Variants in KCND2 observed in about 807,000 individuals in gnomAD.
KCND2 encodes the protein potassium voltage-gated channel subfamily D member 2.
In KCND2, 16 loss-of-function variants were observed where a neutral mutation model predicts 54.4. The ratio of observed to expected loss-of-function variants is 0.29; its 90% CI spans 0.20 to 0.45. KCND2 has a LOEUF of 0.45. KCND2 is among the 20% of genes least tolerant of loss of function. The probability of loss-of-function intolerance (pLI) is 1.00; values close to 1 mark genes in which losing one functional copy is unlikely to be tolerated. For synonymous variants in KCND2, 317 were observed against 310.7 expected (o/e 1.02, Z -0.21); for missense variants, 486 against 824.2 (o/e 0.59, Z 5.02).
At chr7:120,508,713 G>T (rs1230824471) in intron 1 of KCND2, among the ~76,000 whole-genome samples, 1 of 151,836 alleles carries the variant, frequency 6.6e-6, no homozygotes, top group East Asian at 1.9e-4. Context: ...TTTAAAAATT[G>T]GCCTGAATAA....
At chr7:120,670,312 C>T (rs1035400369) in intron 1 of KCND2, among the ~76,000 whole-genome samples, 25 of 152,070 alleles carry the variant, frequency 1.6e-4, no homozygotes, top group African/African-American at 6.0e-4. Context: ...CAAATATAAA[C>T]ATGTGAAATA....
intron 1 of KCND2, among the ~76,000 whole-genome samples, chr7:120,288,412 A>T (rs572657673): frequency 2.4e-4 from 36 of 152,216 alleles, no homozygotes; most frequent in African/African-American, 8.4e-4. Flanking sequence ...CATGTAAGGG[A>T]TTTCAAATGT....
intron 1 of KCND2, among the ~76,000 whole-genome samples, chr7:120,557,838 A>G (rs1792183459): frequency 6.6e-6 from 1 of 152,118 alleles, no homozygotes; most frequent in Non-Finnish European, 1.5e-5. Flanking sequence ...GTCAACATCC[A>G]GTGTCATCCT....
chr7:120,275,444 T>C lies in KCND2; in HGVS notation c.812T>C (p.Leu271Pro). The C allele has an allele frequency of 6.2e-7, 1 of 1,613,814 alleles. No individual in the cohort carries two copies. Among genetic ancestry groups the C allele is most frequent in the Non-Finnish European group, 8.5e-7 (1 of 1,179,956 alleles). Residue 271 changes from leucine to proline, a missense_variant, in exon 1 of 6, where the codon CTG (leucine) becomes CCG (proline). Physicochemically the swap from Leu to Pro is moderately conservative, Grantham distance 98 (BLOSUM62 -3). Around this residue, in one of 7 missense-constraint regions of KCND2, gnomAD observed 231 missense variants for 386.0 expected, o/e 0.60. Transcript: ENST00000331113. ...VMSIIDVVAI[L>P]PYYIGLVMTD... is the part of the protein sequence containing the mutation. ...AGTATCATCGACGTGGTGGCCATCC[T>C]GCCTTATTACATTGGGCTGGTGATG... is the stretch of plus-strand genomic sequence containing the variant.
chr7:120,678,595 A>G (rs1227363363), intron 1 of KCND2, among the ~76,000 whole-genome samples: 1 of 147,236 alleles, frequency 6.8e-6, no homozygotes, highest in African/African-American at 2.5e-5. Flanking sequence ...TTACACACAT[A>G]TATATACACA....
intron 1 of KCND2, among the ~76,000 whole-genome samples, chr7:120,363,863 C>T (rs1231976768): frequency 6.6e-6 from 1 of 152,108 alleles, no homozygotes; most frequent in Non-Finnish European, 1.5e-5. Context: ...CTGTTGCTCA[C>T]TCTGCCCTTC....
chr7:120,539,988 A>G (rs572291181), intron 1 of KCND2, among the ~76,000 whole-genome samples: 1 of 152,144 alleles, frequency 6.6e-6, no homozygotes, highest in Non-Finnish European at 1.5e-5. Context: ...GAGGGCTTAA[A>G]ATATGGAAAG....
chr7:120,514,039 A>T (rs1803160338), intron 1 of KCND2, among the ~76,000 whole-genome samples: 1 of 152,130 alleles, frequency 6.6e-6, no homozygotes, highest in Admixed American at 6.6e-5. Context: ...TTAGATGCTC[A>T]CATGTAGTTT....
intron 1 of KCND2, among the ~76,000 whole-genome samples, chr7:120,629,754 T>C (rs937627528): frequency 1.3e-5 from 2 of 152,104 alleles, no homozygotes; most frequent in African/African-American, 4.8e-5. Flanking sequence ...ATTCTGGATA[T>C]ATTTGGAGGC....
At chr7:120,282,237 C>G (rs1799276529) in intron 1 of KCND2, among the ~76,000 whole-genome samples, 1 of 152,140 alleles carries the variant, frequency 6.6e-6, no homozygotes, top group African/African-American at 2.4e-5. Flanking sequence ...GATGATGCTT[C>G]ATCACTAGAA....
chr7:120,529,265 A>G (rs756008598), intron 1 of KCND2, among the ~76,000 whole-genome samples: 2 of 152,168 alleles, frequency 1.3e-5, no homozygotes, highest in Non-Finnish European at 2.9e-5. Flanking sequence ...TAAATGAAAA[A>G]GATGGTCTTC....
intron 1 of KCND2, among the ~76,000 whole-genome samples, chr7:120,654,952 A>C (rs2116550816): frequency 6.6e-6 from 1 of 152,202 alleles, no homozygotes; most frequent in South Asian, 2.1e-4. Flanking sequence ...CTTATTACAC[A>C]CATCTGTGCT....
intron 1 of KCND2, among the ~76,000 whole-genome samples, chr7:120,295,724 C>G (rs1799503530): frequency 6.6e-6 from 1 of 151,868 alleles, no homozygotes; most frequent in Non-Finnish European, 1.5e-5. Context: ...AGATTTTTAC[C>G]TGGATCCTCT....
chr7:120,641,121 A>G (rs990278149), intron 1 of KCND2, among the ~76,000 whole-genome samples: 4 of 152,220 alleles, frequency 2.6e-5, no homozygotes, highest in Admixed American at 2.6e-4. Context: ...TATCCAGACA[A>G]TTAAAATAAA....
intron 1 of KCND2, among the ~76,000 whole-genome samples, chr7:120,696,527 C>T (rs544011976): frequency 6.6e-5 from 10 of 152,318 alleles, no homozygotes; most frequent in East Asian, 3.9e-4. Flanking sequence ...ATGGTTTGAA[C>T]GTGTTCTCCA....
chr7:120,281,230 T>C lies in KCND2; in HGVS notation c.1115+5483T>C, dbSNP rs182691056. 3.3e-3 allele frequency among the ~76,000 whole-genome samples: 503 copies of C among 152,292 alleles called. 4 individuals carry two copies. The highest frequency in any genetic ancestry group is 0.01 in the Middle Eastern group (3 of 294). Reference sequence around the variant, plus strand: ...ATTCACTGAAAAGGAAGTATATTTTTTCCTTTAAAGTTGTGATAATGAATT... The same window carrying C: ...ATTCACTGAAAAGGAAGTATATTTTCTCCTTTAAAGTTGTGATAATGAATT... On this transcript the variant is annotated intron_variant, in intron 1 of 5. Transcript: ENST00000331113.
At chr7:120,287,630 A>C (rs1369964952) in intron 1 of KCND2, among the ~76,000 whole-genome samples, 1 of 152,090 alleles carries the variant, frequency 6.6e-6, no homozygotes, top group South Asian at 2.1e-4. Flanking sequence ...AGGTGGGTGG[A>C]TCACTTGAGA....
At chr7:120,577,547 A>G (rs1380822398) in intron 1 of KCND2, among the ~76,000 whole-genome samples, 1 of 151,948 alleles carries the variant, frequency 6.6e-6, no homozygotes, top group Admixed American at 6.6e-5. Context: ...TCAAACGACA[A>G]CAACAACCGC....
intron 1 of KCND2, among the ~76,000 whole-genome samples, chr7:120,448,455 GT>G (rs1483316424): frequency 2.6e-5 from 4 of 152,106 alleles, no homozygotes. Flanking sequence ...TTGGTTCCAA[GT>G]TTTTGCTATT....
Sources: gnomAD v4.1 joint callset for allele counts (sites outside exome capture counted in the v4.1 genomes callset) on GRCh38, gnomAD v4.1.1 for gene constraint, gnomAD v4.1.1 regional missense constraint, MANE v1.5 for transcripts, NCBI Gene and HGNC (gene_info 2026-07-23, HGNC 2026-07-21) for gene names.